The following INPP4A variants were observed in gnomAD, a reference collection of about 807,000 sequenced individuals.
The protein encoded by INPP4A is inositol polyphosphate-4-phosphatase type I A, also known as inositol polyphosphate-4-phosphatase, type I, 107kD.
Under a neutral mutation model 119.8 loss-of-function variants are expected in INPP4A, and 33 were observed. The observed-to-expected ratio is 0.28, with a 90% CI of 0.21 to 0.37. INPP4A has a LOEUF of 0.37. INPP4A is among the 10% of genes least tolerant of loss of function. The probability of loss-of-function intolerance (pLI) is 1.00; values close to 1 mark genes in which losing one functional copy is unlikely to be tolerated. For synonymous variants in INPP4A, 496 were observed against 500.7 expected (o/e 0.99, Z 0.12); for missense variants, 956 against 1,289.9 (o/e 0.74, Z 3.97).
intron 1 of INPP4A, among the ~76,000 whole-genome samples, chr2:98,513,111 A>T (rs1685444197): frequency 6.6e-6 from 1 of 152,206 alleles, no homozygotes; most frequent in South Asian, 2.1e-4. Flanking sequence ...CCAGGGTTGG[A>T]GTAGTCTCCA....
At chr2:98,452,885 T>C (rs1320136052) in intron 1 of INPP4A, among the ~76,000 whole-genome samples, 2 of 152,142 alleles carry the variant, frequency 1.3e-5, no homozygotes, top group Non-Finnish European at 2.9e-5. Context: ...ATTCCTGAAG[T>C]GTGTTCATTT....
At chr2:98,533,834 A>G (rs1475717242) in intron 5 of INPP4A, among the ~76,000 whole-genome samples, 1 of 152,216 alleles carries the variant, frequency 6.6e-6, no homozygotes, top group Admixed American at 6.5e-5. Context: ...CTCATTAATC[A>G]AAGCTTAGAA....
At chr2:98,518,425 G>C (rs139558911) in intron 1 of INPP4A, among the ~76,000 whole-genome samples, 1 of 152,380 alleles carries the variant, frequency 6.6e-6, no homozygotes, top group Non-Finnish European at 1.5e-5. Flanking sequence ...GATGGCTCAT[G>C]AGCTGAGCCC....
intron 1 of INPP4A, among the ~76,000 whole-genome samples, chr2:98,495,607 G>A (rs984038156): frequency 1.3e-5 from 2 of 152,210 alleles, no homozygotes; most frequent in Admixed American, 6.5e-5. Flanking sequence ...AGTTTGGTCC[G>A]GGACAACTTG....
chr2:98,561,566 T>A (rs1228813433), intron 17 of INPP4A, among the ~76,000 whole-genome samples: 1 of 152,264 alleles, frequency 6.6e-6, no homozygotes, highest in Non-Finnish European at 1.5e-5. Flanking sequence ...CTTCCTATAC[T>A]ACAATTTTTT....
At position 98,453,886 on chromosome 2, in the gene INPP4A, C is replaced by T. The variant is rs1170146360; in HGVS notation, c.-166+8801C>T. Among the ~76,000 whole-genome samples the T allele has an allele frequency of 4.3e-4, 66 of 152,118 alleles. 1 individual carries two copies. Among genetic ancestry groups the T allele is most frequent in the Admixed American group, 4.3e-3 (66 of 15,276 alleles). On this transcript the variant is annotated intron_variant, in intron 1 of 24. Transcript: ENST00000409851. ...AGACAGTGGCAGGCAGTGTGTTGAT[C>T]ACCTGAGGTCGGGGGTTCAAGACCA...
At chr2:98,500,582 G>A (rs1682922887) in intron 1 of INPP4A, among the ~76,000 whole-genome samples, 1 of 152,312 alleles carries the variant, frequency 6.6e-6, no homozygotes, top group East Asian at 1.9e-4. Context: ...TCCCAATACA[G>A]CACGGGCAAG....
intron 8 of INPP4A, 81 bp downstream of exon 8, chr2:98,538,055 C>A: frequency 1.1e-6 from 1 of 934,480 alleles, no homozygotes; most frequent in Non-Finnish European, 1.7e-6. Flanking sequence ...GTGGACTTAG[C>A]CTCTGTGCTC....
intron 15 of INPP4A, 93 bp from the exon 16 acceptor site, chr2:98,555,460 G>C: frequency 4.4e-6 from 6 of 1,354,316 alleles, no homozygotes; most frequent in Non-Finnish European, 6.1e-6. Flanking sequence ...TGGAAGCCTA[G>C]GGCAGGGGAT....
chr2:98,532,787 T>C (rs1246028373), intron 4 of INPP4A, among the ~76,000 whole-genome samples: 3 of 152,232 alleles, frequency 2.0e-5, no homozygotes, highest in African/African-American at 7.2e-5. Flanking sequence ...TTCAGCTCCA[T>C]TATAATCTGT....
intron 1 of INPP4A, among the ~76,000 whole-genome samples, chr2:98,483,913 A>G (rs1164438465): frequency 2.0e-5 from 3 of 152,078 alleles, no homozygotes; most frequent in African/African-American, 7.2e-5. Context: ...CCACCTTTGC[A>G]TAAAGAAGCT....
chr2:98,542,591 G>A (rs746616188), intron 10 of INPP4A, among the ~76,000 whole-genome samples: 91 of 152,108 alleles, frequency 6.0e-4, no homozygotes, highest in Admixed American at 1.0e-3. Flanking sequence ...ATTAGCTACC[G>A]ATTTTCTATG....
Position 98,530,410 on chromosome 2 carries a change from A to G in INPP4A, c.152-2967A>G, listed in dbSNP as rs202120074. Among the ~76,000 whole-genome samples the G allele has an allele frequency of 4.8e-3, 725 of 152,228 alleles. 5 individuals are homozygous for G. The highest frequency in any genetic ancestry group is 0.016 in the African/African-American group (663 of 41,524). ...AGTGTCTCAGTGAGAAGTGGCAGGG[A>G]TTGCTTTCTAGGGTCCGTTAGGGGA... On this transcript the variant is annotated intron_variant, in intron 4 of 24. Transcript: ENST00000409851.
Position 98,543,912 on chromosome 2 carries a change from C to T in INPP4A, c.854C>T (p.Pro285Leu), listed in dbSNP as rs2106065546. 1 of 1,612,778 alleles carries T rather than the reference C, an allele frequency of 6.2e-7. No individual in the cohort carries two copies. The highest frequency in any genetic ancestry group is 2.2e-5 in the East Asian group (1 of 44,854). The stretch of plus-strand genomic sequence containing the variant: ...CTGGAGGAGCTGGGAGAGCTGTCCC[C>T]TTGCTGGGAGAGCCTCCGGCGCCAA... ...CELEELGELS[P>L]CWESLRRQIV... The change falls in exon 11 of 25, where the codon CCT becomes CTT. Residue 285 changes from proline (P) to leucine (L), a missense_variant. By Grantham distance (98) the Pro-to-Leu change is moderately conservative. This residue lies in a region of INPP4A where 652 missense variants were observed against 797.9 expected (regional missense o/e 0.82). Transcript: ENST00000409851.
chr2:98,588,754 G>A lies in INPP4A; in HGVS notation c.*1146G>A, dbSNP rs1700168434. On this transcript the variant is annotated 3_prime_UTR_variant, in exon 25 of 25. Coordinates refer to ENST00000409851, the MANE Select transcript of INPP4A (RefSeq NM_001134225.2). ...TGGTCATCTTTTATAAGATGATGAT[G>A]AGTCTTATCTGCACATAGCAGAGTT... The A allele has an allele frequency of 4.5e-6, 1 of 222,310 alleles. No homozygotes were observed. Among genetic ancestry groups the A allele is most frequent in the South Asian group, 1.8e-4 (1 of 5,452 alleles). 13.8% of individuals were successfully genotyped at this position (222,310 alleles called of 1,614,324 possible). A position where few individuals can be genotyped will look rare whatever the true frequency, so the allele number is the denominator to read the frequency against.
At position 98,570,966 on chromosome 2, in the gene INPP4A, G is replaced by A. The variant is rs148629648; in HGVS notation, c.2519-1849G>A. 4.0e-3 allele frequency among the ~76,000 whole-genome samples: 604 copies of A among 152,192 alleles called. 2 individuals are homozygous for A. The highest frequency in any genetic ancestry group is 0.017 in the Middle Eastern group (5 of 294). On this transcript the variant is annotated intron_variant, in intron 22 of 24. Transcript: ENST00000409851. This position sits in a 1 kb window ranked among gnomAD's most constrained non-coding sequence, Gnocchi z 4.3. ...CCCCAGAGTGTGGTGGGCAGGACCT[G>A]GGCATTAGGGTTTCAGAAACTCCCC...
At chr2:98,520,289 CCTT>C in intron 3 of INPP4A, 135 bp downstream of exon 3, 1 of 700,482 alleles carries the variant, frequency 1.4e-6, no homozygotes, top group Non-Finnish European at 2.4e-6. Context: ...GGTTTGGCAT[CCTT>C]CTGGTTGAAC....
At chr2:98,514,786 G>A (rs575377864) in intron 1 of INPP4A, among the ~76,000 whole-genome samples, 1 of 152,222 alleles carries the variant, frequency 6.6e-6, no homozygotes, top group African/African-American at 2.4e-5. Context: ...AGATGTGGTG[G>A]CACACACGTG....
chr2:98,516,228 C>T (rs1036483157), intron 1 of INPP4A, among the ~76,000 whole-genome samples: 3 of 152,178 alleles, frequency 2.0e-5, no homozygotes, highest in South Asian at 4.1e-4. Context: ...ATTAGCTTTG[C>T]GTTCTGGGCC....
Sources: allele counts gnomAD v4.1 joint callset (sites outside exome capture counted in the v4.1 genomes callset), GRCh38; gene constraint gnomAD v4.1.1; regional missense constraint gnomAD v4.1.1; non-coding constraint Gnocchi (gnomAD v3.1); transcripts MANE v1.5; gene names NCBI Gene and HGNC (gene_info 2026-07-23, HGNC 2026-07-21).